Variants in VWC2L observed in about 807,000 individuals in gnomAD.
VWC2L encodes von Willebrand factor C domain-containing protein 2-like.
VWC2L carries 10 observed loss-of-function variants against 21.6 expected under a neutral mutation model. The ratio of observed to expected loss-of-function variants is 0.46; its 90% CI spans 0.29 to 0.78. The LOEUF is 0.78. Among genes scored for constraint, VWC2L ranks in the 30% least tolerant of loss-of-function variants. The pLI is 0.10. For missense variants in VWC2L, 209 were observed against 277.1 expected (o/e 0.75, Z 1.74); for synonymous variants, 96 against 94.3 (o/e 1.02, Z -0.10).
chr2:214,550,550 T>C (rs776489759), intron 3 of VWC2L, among the ~76,000 whole-genome samples: 5 of 152,178 alleles, frequency 3.3e-5, no homozygotes, highest in Non-Finnish European at 5.9e-5. Context: ...GTTTTCTCCG[T>C]CTCAGGGAGT....
chr2:214,571,871 C>T (rs1690154831), intron 3 of VWC2L, among the ~76,000 whole-genome samples: 1 of 152,098 alleles, frequency 6.6e-6, no homozygotes. Flanking sequence ...ACTGCAGCCT[C>T]GACCTCCTGG....
intron 3 of VWC2L, among the ~76,000 whole-genome samples, chr2:214,453,274 T>C (rs1162249566): frequency 6.6e-6 from 1 of 150,784 alleles, no homozygotes; most frequent in South Asian, 2.1e-4. Flanking sequence ...GATTGAAGGG[T>C]TTTTTTTTAA....
At position 214,488,637 on chromosome 2, in the gene VWC2L, C is replaced by A. The variant is rs565084081; in HGVS notation, c.520+51879C>A. ...AACAAAAACCCTGTTAGGCACATGT[C>A]TTCATCTGTTCTGGGTTGTTATAAA... On this transcript the variant is annotated intron_variant, in intron 3 of 3. Coordinates refer to ENST00000312504, the MANE Select transcript of VWC2L (RefSeq NM_001080500.4). 5.3e-5 allele frequency among the ~76,000 whole-genome samples: 8 copies of A among 152,166 alleles called. No homozygotes were observed. In the East Asian group the frequency reaches 1.5e-3, roughly 29 times the overall value.
chr2:214,505,105 T>G lies in VWC2L; in HGVS notation c.520+68347T>G, dbSNP rs540933549. Among the ~76,000 whole-genome samples the G allele has an allele frequency of 1.6e-3, 239 of 152,354 alleles. 1 individual carries two copies. Among genetic ancestry groups the G allele is most frequent in the African/African-American group, 5.6e-3 (232 of 41,574 alleles). On this transcript the variant is annotated intron_variant, in intron 3 of 3. Transcript: ENST00000312504. ...TTCTCAAGGACAGTGTTGATTTAAT[T>G]GGAAAGAACTGTGTTCTCGTTTCCT...
chr2:214,497,389 C>T (rs772382293), intron 3 of VWC2L, among the ~76,000 whole-genome samples: 2 of 152,134 alleles, frequency 1.3e-5, no homozygotes, highest in Non-Finnish European at 2.9e-5. Flanking sequence ...TTCAAACTAT[C>T]CTCTCTTGCC....
rs1688928515 is a variant in VWC2L, at chr2:214,503,753, T to A, written c.520+66995T>A. Among the ~76,000 whole-genome samples, 6 of 150,444 alleles carry A rather than the reference T, an allele frequency of 4.0e-5. No homozygotes were observed. The South Asian group carries it at 1.3e-3, about 32-fold the overall frequency. ...GAGAAAAAAAAAAAAACAGAAATGA[T>A]AAAAGTTTCTGTTTCCATGTGGCAA... On this transcript the variant is annotated intron_variant, in intron 3 of 3. Transcript: ENST00000312504.
At chr2:214,424,613 A>T (rs2126173578) in intron 2 of VWC2L, among the ~76,000 whole-genome samples, 1 of 152,324 alleles carries the variant, frequency 6.6e-6, no homozygotes, top group South Asian at 2.1e-4. Flanking sequence ...ATTAATACTA[A>T]ACTGTATTTC....
intron 3 of VWC2L, among the ~76,000 whole-genome samples, chr2:214,489,985 G>A (rs1315983174): frequency 1.3e-5 from 2 of 152,166 alleles, no homozygotes; most frequent in Non-Finnish European, 2.9e-5. Context: ...CTAGTCACTG[G>A]GTGCAGGAGA....
chr2:214,477,326 C>A (rs1167749606), intron 3 of VWC2L, among the ~76,000 whole-genome samples: 1 of 152,190 alleles, frequency 6.6e-6, no homozygotes, highest in East Asian at 1.9e-4. Context: ...TCTCTGGGAG[C>A]CATAGCTGTG....
chr2:214,430,569 T>C (rs1348578772), intron 2 of VWC2L, among the ~76,000 whole-genome samples: 1 of 152,210 alleles, frequency 6.6e-6, no homozygotes, highest in South Asian at 2.1e-4. Context: ...TATTTCTGAA[T>C]TGTAGTTTAT....
intron 3 of VWC2L, 82 bp downstream of exon 3, chr2:214,436,840 G>T: frequency 6.6e-7 from 1 of 1,524,298 alleles, no homozygotes; most frequent in Non-Finnish European, 9.0e-7. Context: ...TTCAATGCAA[G>T]ACCCCTCTAA....
intron 2 of VWC2L, among the ~76,000 whole-genome samples, chr2:214,427,797 A>G (rs999928260): frequency 2.0e-5 from 3 of 152,210 alleles, no homozygotes; most frequent in East Asian, 1.9e-4. Flanking sequence ...TAGATTACTT[A>G]TAATTTCAAA....
intron 3 of VWC2L, among the ~76,000 whole-genome samples, chr2:214,510,794 C>G (rs1689040057): frequency 6.6e-6 from 1 of 152,162 alleles, no homozygotes; most frequent in Non-Finnish European, 1.5e-5. Context: ...CTAGATTTTG[C>G]TCTACTCTTG....
intron 3 of VWC2L, among the ~76,000 whole-genome samples, chr2:214,497,558 T>G (rs772372218): frequency 6.6e-6 from 1 of 152,248 alleles, no homozygotes; most frequent in Non-Finnish European, 1.5e-5. Context: ...ATTTATTCAC[T>G]GTCTTCTAAT....
chr2:214,449,258 A>G (rs956072134), intron 3 of VWC2L, among the ~76,000 whole-genome samples: 1 of 152,228 alleles, frequency 6.6e-6, no homozygotes, highest in Non-Finnish European at 1.5e-5. Context: ...GTGGTAGGCT[A>G]GAAGTATTGA....
chr2:214,414,631 C>A (rs755000739), intron 2 of VWC2L, 48 bp downstream of exon 2: 1 of 1,577,980 alleles, frequency 6.3e-7, no homozygotes, highest in Non-Finnish European at 8.6e-7. Context: ...TTTCATACCA[C>A]GTGCTTAGTA....
intron 3 of VWC2L, among the ~76,000 whole-genome samples, chr2:214,505,054 C>G (rs1371547654): frequency 6.6e-6 from 1 of 152,180 alleles, no homozygotes; most frequent in Admixed American, 6.5e-5. Context: ...CCTCCATCCC[C>G]ACGGACATGC....
At position 214,578,225 on chromosome 2, in the gene VWC2L, G is replaced by A. The variant is rs1433865025; in HGVS notation, c.*2405G>A. 2.0e-5 allele frequency: 3 copies of A among 152,192 alleles called. No individual in the cohort carries two copies. The highest frequency in any genetic ancestry group is 4.4e-5 in the Non-Finnish European group (3 of 68,036). The allele number at this position is 152,192 out of a possible 1,614,324, so 9.4% of individuals were successfully genotyped here. A position where few individuals can be genotyped will look rare whatever the true frequency, so the allele number is the denominator to read the frequency against. On this transcript the variant is annotated 3_prime_UTR_variant, in exon 4 of 4. Coordinates refer to ENST00000312504, the MANE Select transcript of VWC2L (RefSeq NM_001080500.4). ...ATAGTACCTTATCTATTATTAAGGA[G>A]TTACTATGTCCTTTTTTAGAAAACA...
At chr2:214,556,988 A>G (rs1689882881) in intron 3 of VWC2L, among the ~76,000 whole-genome samples, 1 of 152,152 alleles carries the variant, frequency 6.6e-6, no homozygotes, top group Non-Finnish European at 1.5e-5. Context: ...CTACAGGGGC[A>G]GGGAGTCTTC....
Sources: allele counts gnomAD v4.1 joint callset (sites outside exome capture counted in the v4.1 genomes callset), GRCh38; gene constraint gnomAD v4.1.1; transcripts MANE v1.5; gene names NCBI Gene and HGNC (gene_info 2026-07-23, HGNC 2026-07-21).